FGF14: variants seen among roughly 807,000 people sequenced by gnomAD.
FGF14 encodes the protein fibroblast growth factor homologous factor 4.
Under a neutral mutation model 25.5 loss-of-function variants are expected in FGF14, and 5 were observed. The ratio of observed to expected loss-of-function variants is 0.20; its 90% CI spans 0.10 to 0.41. The LOEUF is 0.41. FGF14 is among the 10% of genes least tolerant of loss of function. FGF14 has a pLI of 1.00. For missense variants in FGF14, 222 were observed against 320.1 expected, an observed-to-expected ratio of 0.69 and a Z score of 2.34; for synonymous variants, 138 against 118.3, an observed-to-expected ratio of 1.17 and a Z score of -1.08.
At chr13:101,754,534 G>A (rs898540966) in intron 3 of FGF14, among the ~76,000 whole-genome samples, 2 of 152,140 alleles carry the variant, frequency 1.3e-5, no homozygotes, top group African/African-American at 4.8e-5. Flanking sequence ...TTCAAGACCA[G>A]CCTGGCCAAC....
intron 1 of FGF14, among the ~76,000 whole-genome samples, chr13:102,314,141 G>C (rs1412164732): frequency 4.6e-5 from 7 of 152,126 alleles, no homozygotes; most frequent in African/African-American, 1.7e-4. Context: ...TGAAATATAA[G>C]AGACAGAAAT....
Position 102,097,060 on chromosome 13 carries a change from G to A in FGF14, c.209-221764C>T, listed in dbSNP as rs2044437171. Among the ~76,000 whole-genome samples the A allele has an allele frequency of 1.3e-5, 2 of 150,940 alleles. 1 individual carries two copies. Among genetic ancestry groups the A allele is most frequent in the South Asian group, 4.2e-4 (2 of 4,782 alleles). On this transcript the variant is annotated intron_variant, in intron 1 of 4. Transcript: ENST00000376131. ...TTTTTTTTTAAGCACTGTAGTGTGG[G>A]GTCATAAGAAAACACAAAAACAAAA...
chr13:101,761,192 A>G (rs959904170), intron 3 of FGF14, among the ~76,000 whole-genome samples: 1 of 152,236 alleles, frequency 6.6e-6, no homozygotes, highest in African/African-American at 2.4e-5. Context: ...ACATGTAAAA[A>G]TAACTTTTAG....
chr13:102,364,925 A>G (rs2057666864), intron 1 of FGF14, among the ~76,000 whole-genome samples: 1 of 152,180 alleles, frequency 6.6e-6, no homozygotes, highest in South Asian at 2.1e-4. Flanking sequence ...TGTGGCCTAA[A>G]CTGTTCAGTC....
At chr13:102,009,170 T>G (rs2039954762) in intron 1 of FGF14, among the ~76,000 whole-genome samples, 1 of 152,188 alleles carries the variant, frequency 6.6e-6, no homozygotes, top group African/African-American at 2.4e-5. Flanking sequence ...TGTACATTTG[T>G]CCTTCTGTGT....
intron 1 of FGF14, among the ~76,000 whole-genome samples, chr13:102,054,590 C>T (rs2042351423): frequency 6.6e-6 from 1 of 152,040 alleles, no homozygotes; most frequent in South Asian, 2.1e-4. Flanking sequence ...TTGGACTTTC[C>T]CTGGGTTTTC....
intron 1 of FGF14, among the ~76,000 whole-genome samples, chr13:102,090,452 A>G (rs2044114565): frequency 7.7e-6 from 1 of 130,692 alleles, no homozygotes; most frequent in African/African-American, 2.5e-5. Flanking sequence ...ATATCTATAA[A>G]ATGAAGATGA....
chr13:101,917,667 C>T (rs998420507), upstream of FGF14, among the ~76,000 whole-genome samples: 1 of 152,090 alleles, frequency 6.6e-6, no homozygotes, highest in Non-Finnish European at 1.5e-5. Flanking sequence ...GAGGAGCCTC[C>T]ACTCCTCACC....
chr13:101,776,977 C>T (rs2039155446), intron 3 of FGF14, among the ~76,000 whole-genome samples: 1 of 152,088 alleles, frequency 6.6e-6, no homozygotes, highest in Admixed American at 6.6e-5. Context: ...GTTGTTAATC[C>T]CATTCATGCA....
chr13:101,938,284 C>CA (rs149967233), intron 1 of FGF14, among the ~76,000 whole-genome samples: 8,530 of 152,128 alleles, frequency 0.056, 339 homozygotes, highest in Middle Eastern at 0.082. Context: ...ACAACAACAA[C>CA]AAAAAAAATC....
At chr13:101,895,797 T>C (rs1363357565) in intron 1 of FGF14, among the ~76,000 whole-genome samples, 1 of 152,200 alleles carries the variant, frequency 6.6e-6, no homozygotes, top group East Asian at 1.9e-4. Context: ...AGAAATATTC[T>C]ATAACAAAAA....
intron 1 of FGF14, among the ~76,000 whole-genome samples, chr13:101,959,901 A>G (rs1440607810): frequency 6.6e-6 from 1 of 152,168 alleles, no homozygotes; most frequent in African/African-American, 2.4e-5. Context: ...TATTTGCTAA[A>G]TTGAATCTGG....
At chr13:102,291,044 AAGAG>A (rs939178488) in intron 1 of FGF14, among the ~76,000 whole-genome samples, 28 of 152,304 alleles carry the variant, frequency 1.8e-4, no homozygotes, top group African/African-American at 5.5e-4. Context: ...AATCAAAACA[AAGAG>A]AGAGTTAAAA....
Position 101,868,824 on chromosome 13 carries a change from G to A in FGF14, c.309C>T (p.Leu103=). 1 of 1,609,854 alleles carries A rather than the reference G, an allele frequency of 6.2e-7. No individual in the cohort carries two copies. Residue 103 remains leucine (L), a synonymous_variant, in exon 3 of 5, where the codon CTC becomes CTT. Transcript: ENST00000376143. ...GTAGTCCCACTGGTATGAGGTTGAA[G>A]AGTGCTGTGAAGATAAACATTGTCT... The part of the protein sequence containing the change: ...GTKDDSTNST[L]FNLIPVGLRV...
intron 3 of FGF14, among the ~76,000 whole-genome samples, chr13:101,851,395 C>A (rs1400356179): frequency 6.6e-6 from 1 of 152,064 alleles, no homozygotes; most frequent in African/African-American, 2.4e-5. Context: ...ACACCTCGAT[C>A]TCGGGCTTCT....
At chr13:101,854,593 T>C (rs1666489914) in intron 3 of FGF14, among the ~76,000 whole-genome samples, 1 of 152,134 alleles carries the variant, frequency 6.6e-6, no homozygotes, top group South Asian at 2.1e-4. Context: ...GAGTGTTTTA[T>C]GCATTTCTTG....
intron 1 of FGF14, among the ~76,000 whole-genome samples, chr13:102,108,648 T>A (rs2045054589): frequency 6.6e-6 from 1 of 152,202 alleles, no homozygotes; most frequent in Admixed American, 6.5e-5. Context: ...GGTGTGTATA[T>A]AAGTTCATGT....
chr13:102,080,206 A>G (rs1170796975), intron 1 of FGF14, among the ~76,000 whole-genome samples: 3 of 152,202 alleles, frequency 2.0e-5, no homozygotes, highest in Admixed American at 6.5e-5. Flanking sequence ...GGTAAGGTAG[A>G]AGCAAAAAGA....
At chr13:102,005,844 C>T (rs2139766933) in intron 1 of FGF14, among the ~76,000 whole-genome samples, 1 of 152,232 alleles carries the variant, frequency 6.6e-6, no homozygotes, top group Middle Eastern at 3.4e-3. Flanking sequence ...ATAAATTAGG[C>T]AAAGCCTTTG....
Sources: allele counts gnomAD v4.1 joint callset (sites outside exome capture counted in the v4.1 genomes callset), GRCh38; gene constraint gnomAD v4.1.1; transcripts MANE v1.5; gene names NCBI Gene and HGNC (gene_info 2026-07-23, HGNC 2026-07-21).